NUBPL: variants seen among roughly 807,000 people sequenced by gnomAD.
NUBPL encodes iron-sulfur cluster transfer protein NUBPL.
A neutral mutation model predicts 45.7 loss-of-function variants in NUBPL; 31 were observed. The observed-to-expected ratio is 0.68, with a 90% CI of 0.51 to 0.92. NUBPL has a LOEUF of 0.92. NUBPL is among the 40% of genes least tolerant of loss of function. The probability of loss-of-function intolerance (pLI) is 0.00; values close to 1 mark genes in which losing one functional copy is unlikely to be tolerated. For missense variants in NUBPL, 401 were observed against 398.7 expected (o/e 1.01, Z -0.05); for synonymous variants, 144 against 140.9 (o/e 1.02, Z -0.15).
At chr14:31,791,967 A>G (rs1272827513) in intron 7 of NUBPL, among the ~76,000 whole-genome samples, 3 of 152,158 alleles carry the variant, frequency 2.0e-5, no homozygotes, top group Non-Finnish European at 4.4e-5. Context: ...TTAATTTTCA[A>G]ATTTAATTCT....
chr14:31,804,560 T>C (rs2039649078), intron 7 of NUBPL, among the ~76,000 whole-genome samples: 1 of 151,974 alleles, frequency 6.6e-6, no homozygotes, highest in Admixed American at 6.6e-5. Context: ...AGTTTTGTCG[T>C]TTAAGAATTC....
At chr14:31,793,544 G>A (rs1021756604) in intron 7 of NUBPL, among the ~76,000 whole-genome samples, 4 of 152,100 alleles carry the variant, frequency 2.6e-5, no homozygotes, top group African/African-American at 9.7e-5. Flanking sequence ...GGGCTAGGCT[G>A]TTTTTCTTTC....
At chr14:31,851,878 T>C (rs1020458798) in intron 10 of NUBPL, among the ~76,000 whole-genome samples, 2 of 152,252 alleles carry the variant, frequency 1.3e-5, no homozygotes, top group South Asian at 2.1e-4. Context: ...ATTTTTATTA[T>C]GGTTTTCACC....
intron 6 of NUBPL, among the ~76,000 whole-genome samples, chr14:31,705,262 T>C (rs2037422180): frequency 6.6e-6 from 1 of 152,198 alleles, no homozygotes; most frequent in Admixed American, 6.5e-5. Context: ...TTACAGCTCA[T>C]AAAGGCGGTG....
In NUBPL at chr14:31,587,111, T is replaced by C. The variant is rs200116552; in HGVS notation, c.292-12178T>C. 1.4e-4 allele frequency among the ~76,000 whole-genome samples: 22 copies of C among 152,294 alleles called. 1 individual carries two copies. In the East Asian group the frequency reaches 4.2e-3, roughly 29 times the overall value. On this transcript the variant is annotated intron_variant, in intron 3 of 10. Transcript: ENST00000281081. ...TGCATAAAAATCACCTAGGAGCTTG[T>C]TAAATAAATCAAAATCTCTGGGAAT...
At chr14:31,791,335 A>G (rs1015656536) in intron 7 of NUBPL, among the ~76,000 whole-genome samples, 2 of 152,134 alleles carry the variant, frequency 1.3e-5, no homozygotes, top group African/African-American at 4.8e-5. Flanking sequence ...TTTATGATTT[A>G]TTAATAAACC....
intron 7 of NUBPL, among the ~76,000 whole-genome samples, chr14:31,816,798 A>G (rs1381293181): frequency 6.6e-6 from 1 of 152,126 alleles, no homozygotes; most frequent in Non-Finnish European, 1.5e-5. Flanking sequence ...CCCAGTAATC[A>G]TTCAGGAGCA....
At chr14:31,579,019 G>A (rs1264250946) in intron 3 of NUBPL, among the ~76,000 whole-genome samples, 3 of 152,194 alleles carry the variant, frequency 2.0e-5, no homozygotes, top group Non-Finnish European at 4.4e-5. Context: ...AAGTACTCAG[G>A]TAGTCTTTGA....
chr14:31,836,040 G>A (rs1159901953), intron 8 of NUBPL, among the ~76,000 whole-genome samples: 1 of 152,164 alleles, frequency 6.6e-6, no homozygotes, highest in Non-Finnish European at 1.5e-5. Context: ...ACCTGTATCT[G>A]GGTTTAAAAT....
intron 7 of NUBPL, among the ~76,000 whole-genome samples, chr14:31,803,437 A>C (rs2039629105): frequency 6.7e-6 from 1 of 148,508 alleles, no homozygotes; most frequent in Non-Finnish European, 1.5e-5. Context: ...TGTTTCCCCT[A>C]AAACTTTGTA....
chr14:31,756,869 C>T (rs1410698883), intron 6 of NUBPL, among the ~76,000 whole-genome samples: 15 of 149,186 alleles, frequency 1.0e-4, no homozygotes, highest in Admixed American at 4.7e-4. Context: ...TTTTGAGATA[C>T]GTCCCATCAA....
At chr14:31,725,899 G>A (rs763165144) in intron 6 of NUBPL, among the ~76,000 whole-genome samples, 2 of 151,702 alleles carry the variant, frequency 1.3e-5, no homozygotes, top group South Asian at 2.1e-4. Flanking sequence ...TAGTAGTGAC[G>A]GGGTTTCATC....
chr14:31,625,587 T>A (rs896970043), intron 4 of NUBPL, among the ~76,000 whole-genome samples: 1 of 151,752 alleles, frequency 6.6e-6, no homozygotes, highest in Admixed American at 6.6e-5. Context: ...GTGATTCTCC[T>A]GCCTCAGCCT....
intron 4 of NUBPL, among the ~76,000 whole-genome samples, chr14:31,624,553 T>C (rs2035154033): frequency 6.6e-6 from 1 of 152,158 alleles, no homozygotes; most frequent in South Asian, 2.1e-4. Flanking sequence ...TAGCAATGAC[T>C]AAAGACTTTA....
intron 3 of NUBPL, among the ~76,000 whole-genome samples, chr14:31,574,642 G>A (rs1029240388): frequency 7.5e-6 from 1 of 132,464 alleles, no homozygotes; most frequent in African/African-American, 2.9e-5. Flanking sequence ...CCAGGCTGGA[G>A]TGCAGTGGCC....
intron 6 of NUBPL, among the ~76,000 whole-genome samples, chr14:31,674,874 C>T (rs951296854): frequency 3.9e-5 from 6 of 152,226 alleles, no homozygotes; most frequent in Middle Eastern, 3.4e-3. Flanking sequence ...TGGTGGCTCA[C>T]GCCTGTAATC....
chr14:31,705,465 A>AGCTGATTGGTCCGTTTTGACAGAGT lies in NUBPL; in HGVS notation c.513+31902_513+31926dup, dbSNP rs1328839581. On this transcript the variant is annotated intron_variant, in intron 6 of 10. Transcript: ENST00000281081. ...GAGCTGATTGGTCCATTTTATAGAG[A>AGCTGATTGGTCCGTTTTGACAGAGT]GCTGATTGGTCCGTTTTGACAGAGT... Among the ~76,000 whole-genome samples the AGCTGATTGGTCCGTTTTGACAGAGT allele has an allele frequency of 1.9e-3, 286 of 152,130 alleles. 1 individual carries two copies. The highest frequency in any genetic ancestry group is 6.4e-3 in the African/African-American group (265 of 41,500).
intron 7 of NUBPL, chr14:31,801,304 A>G (rs947149951): frequency 6.6e-6 from 1 of 152,086 alleles, no homozygotes; most frequent in African/African-American, 2.4e-5. Flanking sequence ...ACAGAGGTCA[A>G]CTCTTGGGGG....
chr14:31,858,859 A>T (rs372371824), intron 10 of NUBPL, among the ~76,000 whole-genome samples: 8 of 152,200 alleles, frequency 5.3e-5, no homozygotes, highest in African/African-American at 1.9e-4. Context: ...CCAGAATTAG[A>T]ATTTGAAAAA....
Sources: allele counts gnomAD v4.1 joint callset (sites outside exome capture counted in the v4.1 genomes callset), GRCh38; gene constraint gnomAD v4.1.1; transcripts MANE v1.5; gene names NCBI Gene and HGNC (gene_info 2026-07-23, HGNC 2026-07-21).